The following USP24 variants were observed in gnomAD, a reference collection of about 807,000 sequenced individuals.
The protein encoded by USP24 is ubiquitin carboxyl-terminal hydrolase 24.
A neutral mutation model predicts 361.6 loss-of-function variants in USP24; 97 were observed. The observed-to-expected ratio is 0.27, with a 90% CI of 0.23 to 0.32. The LOEUF (loss-of-function observed/expected upper bound fraction) is 0.32. USP24 is among the 10% of genes least tolerant of loss of function. USP24 has a pLI of 1.00. For synonymous variants in USP24, 1,098 were observed against 1,124.6 expected (o/e 0.98, Z 0.47); for missense variants, 2,353 against 3,165.6 (o/e 0.74, Z 6.16).
chr1:55,199,990 C>T (rs1644528354), intron 1 of USP24, among the ~76,000 whole-genome samples: 1 of 152,162 alleles, frequency 6.6e-6, no homozygotes, highest in Non-Finnish European at 1.5e-5. Context: ...AAAGCGGAAA[C>T]TCCTGATAAA....
At chr1:55,105,911 T>C (rs936195053) in intron 41 of USP24, among the ~76,000 whole-genome samples, 3 of 94 alleles carry the variant, frequency 0.032, no homozygotes, top group Non-Finnish European at 0.12. Context: ...GCCACATTTT[T>C]ATTTGTTCTC....
At chr1:55,213,625 C>T (rs1483694718) in intron 1 of USP24, among the ~76,000 whole-genome samples, 1 of 152,184 alleles carries the variant, frequency 6.6e-6, no homozygotes, top group Admixed American at 6.5e-5. Context: ...GTGGTCAGGC[C>T]AAGCTGCTCT....
chr1:55,088,146 G>C (rs1307638572), intron 55 of USP24, among the ~76,000 whole-genome samples: 1 of 152,200 alleles, frequency 6.6e-6, no homozygotes, highest in Non-Finnish European at 1.5e-5. Flanking sequence ...GATCTAATTT[G>C]TTTGAAAAAG....
chr1:55,166,648 T>TC (rs1478381563), intron 5 of USP24, 45 bp from the exon 6 acceptor site: 2 of 1,502,076 alleles, frequency 1.3e-6, no homozygotes, highest in African/African-American at 1.4e-5. Context: ...TATAAAAGCT[T>TC]CCCCATTAAC....
Position 55,098,565 on chromosome 1 carries a change from G to A in USP24, c.5371-7C>T. The A allele has an allele frequency of 1.2e-6, 2 of 1,602,272 alleles. No homozygotes were observed. Among genetic ancestry groups the A allele is most frequent in the Non-Finnish European group, 1.7e-6 (2 of 1,171,200 alleles). On this transcript the variant is annotated splice_polypyrimidine_tract_variant and splice_region_variant and intron_variant, in intron 45 of 67. Coordinates refer to ENST00000294383, the MANE Select transcript of USP24 (RefSeq NM_015306.3). ...TTTGGTCTCTCCCCATTTTCTGTTG[G>A]AATGAAAAGTTACAGTTTTAAGTGA...
intron 38 of USP24, 60 bp downstream of exon 38, chr1:55,120,536 C>A: frequency 6.8e-7 from 1 of 1,466,620 alleles, no homozygotes; most frequent in Non-Finnish European, 9.0e-7. Flanking sequence ...GGGAGCAGCA[C>A]ACAAATTATC....
intron 1 of USP24, among the ~76,000 whole-genome samples, chr1:55,203,025 T>G (rs757503880): frequency 9.9e-5 from 15 of 152,226 alleles, no homozygotes; most frequent in African/African-American, 1.9e-4. Flanking sequence ...ATTGTTCTAT[T>G]TATTAGTTCC....
At chr1:55,073,316 T>A (rs1644958169) in intron 64 of USP24, among the ~76,000 whole-genome samples, 1 of 152,164 alleles carries the variant, frequency 6.6e-6, no homozygotes, top group African/African-American at 2.4e-5. Context: ...GCATGTCACT[T>A]AAACTACCCA....
At chr1:55,166,427 A>G in intron 6 of USP24, 141 bp downstream of exon 6, 1 of 822,290 alleles carries the variant, frequency 1.2e-6, no homozygotes, top group South Asian at 1.7e-5. Context: ...CAAAAAAAGG[A>G]AGAAAATATG....
At chr1:55,120,395 A>T (rs1646245978) in intron 38 of USP24, among the ~76,000 whole-genome samples, 1 of 152,140 alleles carries the variant, frequency 6.6e-6, no homozygotes, top group African/African-American at 2.4e-5. Flanking sequence ...TGAAGTGAGA[A>T]CTGAGGACAT....
rs754576639 is a variant in USP24 at position 55,081,343 on chromosome 1, C to T, written c.7057G>A (p.Val2353Ile). The T allele has an allele frequency of 2.5e-6, 4 of 1,613,482 alleles. No individual in the cohort carries two copies. Among genetic ancestry groups the T allele is most frequent in the South Asian group, 1.1e-5 (1 of 91,070 alleles). ...TVALLVLHSD[V>I]SSQRNVAPGI... ...TTACCAACATTCCTTTGGGATGAGA[C>T]ATCTGAATGCAAAACAAGTAACGCC... Residue 2353 changes from valine (V) to isoleucine (I), a missense_variant, in exon 59 of 68, where the codon GTC becomes ATC. Coordinates refer to ENST00000294383, the MANE Select transcript of USP24 (RefSeq NM_015306.3).
chr1:55,188,233 T>C (rs866205937), intron 1 of USP24, among the ~76,000 whole-genome samples: 21 of 152,060 alleles, frequency 1.4e-4, no homozygotes, highest in Admixed American at 1.3e-3. Context: ...AAGAATGAAA[T>C]GACCCCACCT....
At chr1:55,089,282 C>T (rs1002460169) in intron 55 of USP24, among the ~76,000 whole-genome samples, 1 of 152,114 alleles carries the variant, frequency 6.6e-6, no homozygotes, top group Non-Finnish European at 1.5e-5. Flanking sequence ...ATGTGTGGTA[C>T]TCTGGGATTG....
At chr1:55,188,423 G>A (rs1476508873) in intron 1 of USP24, among the ~76,000 whole-genome samples, 4 of 151,534 alleles carry the variant, frequency 2.6e-5, no homozygotes, top group Non-Finnish European at 5.9e-5. Flanking sequence ...TCTACAGAAT[G>A]AGAAACAGTA....
intron 7 of USP24, among the ~76,000 whole-genome samples, chr1:55,163,277 C>G (rs991831279): frequency 1.3e-5 from 2 of 151,820 alleles, no homozygotes; most frequent in African/African-American, 4.8e-5. Flanking sequence ...AAAAATTTGA[C>G]TACGTAAAAG....
intron 61 of USP24, 98 bp downstream of exon 61, chr1:55,078,440 G>A: frequency 1.3e-6 from 1 of 786,024 alleles, no homozygotes. Flanking sequence ...AACAACTTAG[G>A]CTATGAGAAC....
In USP24 at chr1:55,148,574, G is replaced by C; in HGVS notation, c.1861-4C>G. On this transcript the variant is annotated splice_polypyrimidine_tract_variant and splice_region_variant and intron_variant, in intron 16 of 67. Coordinates refer to ENST00000294383, the MANE Select transcript of USP24 (RefSeq NM_015306.3). ...GGGGATTATTAAGCTGAGATGACTAGAGTTAAAAAGAAGTTACATTAATTA... is the reference window on the plus strand; with the variant it reads ...GGGGATTATTAAGCTGAGATGACTACAGTTAAAAAGAAGTTACATTAATTA... 6.5e-7 allele frequency: 1 copy of C among 1,544,956 alleles called. No homozygotes were observed. The highest frequency in any genetic ancestry group is 1.2e-5 in the South Asian group (1 of 81,900).
intron 1 of USP24, among the ~76,000 whole-genome samples, chr1:55,190,877 C>A (rs1644268584): frequency 1.3e-5 from 2 of 152,164 alleles, no homozygotes; most frequent in Admixed American, 6.5e-5. Context: ...GATTACAGAT[C>A]AAATTATTTC....
At position 55,165,237 on chromosome 1, in the gene USP24, AG is replaced by A. The variant is rs1332241198; in HGVS notation, c.927+647del. Reference sequence around the variant, plus strand: ...CTGATCAAATTACAGCAGATAGCGCAGTGTCTTATTCATGCCAAGTACGTAA... The same window carrying A: ...CTGATCAAATTACAGCAGATAGCGCATGTCTTATTCATGCCAAGTACGTAA... On this transcript the variant is annotated intron_variant, in intron 7 of 67. Coordinates refer to ENST00000294383, the MANE Select transcript of USP24 (RefSeq NM_015306.3). Among the ~76,000 whole-genome samples, 6 of 152,268 alleles carry A rather than the reference AG, an allele frequency of 3.9e-5. No homozygotes were observed. The East Asian group carries it at 1.2e-3, about 29-fold the overall frequency.
Sources: allele counts gnomAD v4.1 joint callset (sites outside exome capture counted in the v4.1 genomes callset), GRCh38; gene constraint gnomAD v4.1.1; transcripts MANE v1.5; gene names NCBI Gene and HGNC (gene_info 2026-07-23, HGNC 2026-07-21).